PACC1: variants seen among roughly 807,000 people sequenced by gnomAD.
PACC1 encodes the protein proton-activated chloride channel.
PACC1 carries 34 observed loss-of-function variants against 39.7 expected under a neutral mutation model. The observed-to-expected ratio is 0.86, with a 90% CI of 0.65 to 1.14. The LOEUF (loss-of-function observed/expected upper bound fraction) is 1.14, where lower values mean the gene tolerates loss of function less well. Ranked by LOEUF, PACC1 falls within the 50% of genes most tolerant of loss-of-function variation. PACC1 has a pLI of 0.00. For missense variants in PACC1, 379 were observed against 436.4 expected (o/e 0.87, Z 1.17); for synonymous variants, 127 against 160.6 (o/e 0.79, Z 1.58).
At chr1:212,404,137 C>T (rs772773512) in intron 2 of PACC1, among the ~76,000 whole-genome samples, 3 of 151,752 alleles carry the variant, frequency 2.0e-5, no homozygotes, top group East Asian at 1.9e-4. Flanking sequence ...GACAGAGTCT[C>T]GCTCTGTCGC....
chr1:212,396,832 CTATCTATCTATCTATCTATT>C (rs965990295), intron 2 of PACC1, among the ~76,000 whole-genome samples: 16 of 148,592 alleles, frequency 1.1e-4, no homozygotes, highest in Non-Finnish European at 2.2e-4. Context: ...ATCTATCTAT[CTATCTATCTATCTATCTATT>C]ACATATAGAG....
intron 2 of PACC1, among the ~76,000 whole-genome samples, chr1:212,404,749 A>C: frequency 7.3e-6 from 1 of 137,086 alleles, no homozygotes; most frequent in East Asian, 2.1e-4. Context: ...GGCGTGCATC[A>C]TTCCTGGCTA....
chr1:212,374,560 G>T (rs150371933), intron 7 of PACC1, among the ~76,000 whole-genome samples: 66 of 152,302 alleles, frequency 4.3e-4, no homozygotes, highest in African/African-American at 1.5e-3. Flanking sequence ...TGTTCCCAAT[G>T]CAAGGAAATT....
chr1:212,365,276 A>T lies in PACC1; in HGVS notation c.992T>A (p.Met331Lys), dbSNP rs776931830. Residue 331 changes from methionine to lysine, a missense_variant, in exon 8 of 8, where the codon ATG (methionine) becomes AAG (lysine). Transcript: ENST00000261455. Reference protein sequence around the residue: ...AEFAKLSIKWMIKIRKRYLKR... With the variant: ...AEFAKLSIKWKIKIRKRYLKR... ...AAGGTATCTCTTTCTAATTTTGATC[A>T]TCCATTTTATACTCAGTTTGGCAAA... 1.2e-6 allele frequency: 2 copies of T among 1,613,478 alleles called. No individual in the cohort carries two copies. The highest frequency in any genetic ancestry group is 1.7e-6 in the Non-Finnish European group (2 of 1,179,744).
At position 212,389,299 on chromosome 1, in the gene PACC1, T is replaced by C. The variant is rs181427777; in HGVS notation, c.134-2199A>G. 2.7e-3 allele frequency among the ~76,000 whole-genome samples: 407 copies of C among 152,236 alleles called. 2 individuals carry two copies. The highest frequency in any genetic ancestry group is 9.0e-3 in the African/African-American group (372 of 41,538). ...CCCAAATCTGCAACTAAATATATGTTCAGATCCTTGGCTGGAGAACCCAGG... is the reference window on the plus strand; with the variant it reads ...CCCAAATCTGCAACTAAATATATGTCCAGATCCTTGGCTGGAGAACCCAGG... On this transcript the variant is annotated intron_variant, in intron 2 of 7. Transcript: ENST00000261455.
intron 7 of PACC1, among the ~76,000 whole-genome samples, chr1:212,370,697 A>C (rs1297377435): frequency 2.0e-5 from 3 of 152,240 alleles, no homozygotes; most frequent in Non-Finnish European, 2.9e-5. Context: ...TTAGTGACCA[A>C]AGGTCAATGA....
chr1:212,389,656 T>C (rs1571656995), intron 2 of PACC1, among the ~76,000 whole-genome samples: 2 of 151,858 alleles, frequency 1.3e-5, no homozygotes, highest in East Asian at 3.9e-4. Context: ...TAAAGGAAAA[T>C]ATCTGAATAA....
chr1:212,373,057 G>A (rs1375864904), intron 7 of PACC1, among the ~76,000 whole-genome samples: 2 of 152,022 alleles, frequency 1.3e-5, no homozygotes, highest in Non-Finnish European at 2.9e-5. Flanking sequence ...AACCAATCCT[G>A]GGCAAAAAGA....
chr1:212,386,214 AGGTGGCACACACTG>A lies in PACC1; in HGVS notation c.343+663_343+676del, dbSNP rs1661093759. Among the ~76,000 whole-genome samples, 1 of 152,122 alleles carries A rather than the reference AGGTGGCACACACTG, an allele frequency of 6.6e-6. No homozygotes were observed. The highest frequency in any genetic ancestry group is 1.5e-5 in the Non-Finnish European group (1 of 68,008). The stretch of plus-strand genomic sequence containing the variant: ...ACTCAGGGGCATCTGTGGGCAGAAC[AGGTGGCACACACTG>A]GGTGGACAGGGCCCAAGTCACACAG... On this transcript the variant is annotated intron_variant, in intron 3 of 7. Coordinates refer to ENST00000261455, the MANE Select transcript of PACC1 (RefSeq NM_018252.3). This position sits in a 1 kb window ranked among gnomAD's most constrained non-coding sequence, Gnocchi z 5.0.
At chr1:212,382,751 G>C (rs1275161581) in intron 4 of PACC1, among the ~76,000 whole-genome samples, 2 of 152,216 alleles carry the variant, frequency 1.3e-5, no homozygotes, top group Non-Finnish European at 2.9e-5. Flanking sequence ...AGCAGGAAGT[G>C]AGTGGCACAA....
intron 2 of PACC1, chr1:212,410,217 C>G: frequency 1.7e-6 from 1 of 573,678 alleles, no homozygotes; most frequent in Non-Finnish European, 3.1e-6. Flanking sequence ...GGAAGTGGCT[C>G]AAATTGGAGT....
intron 2 of PACC1, among the ~76,000 whole-genome samples, chr1:212,390,717 C>T (rs1398536292): frequency 6.6e-6 from 1 of 152,194 alleles, no homozygotes; most frequent in Non-Finnish European, 1.5e-5. Flanking sequence ...ACAGATGGCA[C>T]CTGGAAAATC....
intron 4 of PACC1, among the ~76,000 whole-genome samples, chr1:212,381,588 G>A (rs1019299539): frequency 3.3e-5 from 5 of 151,888 alleles, no homozygotes; most frequent in African/African-American, 9.7e-5. Flanking sequence ...CCTAATGTGC[G>A]AAAGAAAAGG....
At chr1:212,375,392 C>T in intron 6 of PACC1, 92 bp from the exon 7 acceptor site, 2 of 889,882 alleles carry the variant, frequency 2.2e-6, no homozygotes, top group Non-Finnish European at 3.7e-6. Context: ...GGCAGGGGAT[C>T]ATAGTCTGTG....
Position 212,410,376 on chromosome 1 carries a change from G to T in PACC1, c.133+49C>A, listed in dbSNP as rs575678038. 4.5e-6 allele frequency: 7 copies of T among 1,559,476 alleles called. No homozygotes were observed. In the South Asian group the frequency reaches 7.8e-5, roughly 17 times the overall value. ...CCACAGTTGGCAAGGCGCCTAGACT[G>T]GGGTGTCCAGCTGCAGCAACAGCAC... On this transcript the variant is annotated intron_variant, in intron 2 of 7. Coordinates refer to ENST00000261455, the MANE Select transcript of PACC1 (RefSeq NM_018252.3).
intron 7 of PACC1, among the ~76,000 whole-genome samples, chr1:212,370,427 C>T (rs905523510): frequency 6.6e-6 from 1 of 152,222 alleles, no homozygotes; most frequent in African/African-American, 2.4e-5. Flanking sequence ...CGAGTTCACA[C>T]CACTGCACTC....
chr1:212,366,354 G>A (rs1004246058), intron 7 of PACC1, among the ~76,000 whole-genome samples: 3 of 141,798 alleles, frequency 2.1e-5, no homozygotes, highest in African/African-American at 8.2e-5. Context: ...AGGCTGGAGT[G>A]CAGTGGCGCG....
intron 2 of PACC1, 45 bp downstream of exon 2, chr1:212,410,380 T>G: frequency 5.1e-6 from 8 of 1,572,880 alleles, no homozygotes; most frequent in Non-Finnish European, 7.0e-6. Context: ...TAGACTGGGG[T>G]GTCCAGCTGC....
chr1:212,387,212 C>CA, intron 2 of PACC1, 112 bp from the exon 3 acceptor site: 1 of 958,494 alleles, frequency 1.0e-6, no homozygotes, highest in Non-Finnish European at 1.6e-6. Context: ...AAGTCACCTG[C>CA]ACGCCCAACC....
Sources: allele counts gnomAD v4.1 joint callset (sites outside exome capture counted in the v4.1 genomes callset), GRCh38; gene constraint gnomAD v4.1.1; non-coding constraint Gnocchi (gnomAD v3.1); transcripts MANE v1.5; gene names NCBI Gene and HGNC (gene_info 2026-07-23, HGNC 2026-07-21).